The following MIER2 variants were observed in gnomAD, a reference collection of about 807,000 sequenced individuals.
MIER2 encodes MIER family member 2.
Under a neutral mutation model 67.6 loss-of-function variants are expected in MIER2, and 30 were observed. The ratio of observed to expected loss-of-function variants is 0.44; its 90% CI spans 0.33 to 0.60. The LOEUF (loss-of-function observed/expected upper bound fraction) is 0.60. Ranked by LOEUF, MIER2 falls within the 20% of genes least tolerant of loss-of-function variation. The pLI is 0.02. For missense variants in MIER2, 702 were observed against 745.1 expected (o/e 0.94, Z 0.67); for synonymous variants, 372 against 312.6 (o/e 1.19, Z -2.00).
At chr19:336,620 G>A (rs1435880792) in intron 1 of MIER2, among the ~76,000 whole-genome samples, 1 of 152,194 alleles carries the variant, frequency 6.6e-6, no homozygotes, top group African/African-American at 2.4e-5. Flanking sequence ...GAGCCAGGGA[G>A]AGAGACAGTG....
intron 1 of MIER2, chr19:344,425 A>G (rs1972646916): frequency 1.0e-6 from 1 of 974,272 alleles, no homozygotes; most frequent in Non-Finnish European, 1.2e-6. Flanking sequence ...CGGGAACCGG[A>G]GCCGGACCCT....
chr19:319,120 G>C (rs1030729019), intron 7 of MIER2, among the ~76,000 whole-genome samples: 10 of 150,776 alleles, frequency 6.6e-5, no homozygotes, highest in African/African-American at 2.4e-4. Context: ...CCAGCTCTTT[G>C]GGAGGCCAAG....
rs1363099931 is a variant in MIER2 at position 312,170 on chromosome 19, A to C, written c.889+21T>G. 7 of 1,559,044 alleles carry C rather than the reference A, an allele frequency of 4.5e-6. 1 individual carries two copies. The South Asian group carries it at 5.6e-5, about 13-fold the overall frequency. On this transcript the variant is annotated intron_variant, in intron 9 of 13. Coordinates refer to ENST00000264819, the MANE Select transcript of MIER2 (RefSeq NM_017550.3). ...CCCAGGGCGGGGCCGCAGCGGAAGG[A>C]AGGCCCAGACCGCTGCTCACCTCGG...
intron 3 of MIER2, among the ~76,000 whole-genome samples, chr19:331,662 G>A (rs1469877248): frequency 6.6e-6 from 1 of 151,306 alleles, no homozygotes; most frequent in Non-Finnish European, 1.5e-5. Context: ...GTGAGATCCA[G>A]TCTCAAAAAA....
intron 1 of MIER2, chr19:344,061 AT>A (rs1402689177): frequency 1.0e-6 from 1 of 985,304 alleles, no homozygotes. Flanking sequence ...GGTCCCAAAC[AT>A]TTCAGATAAA....
intron 1 of MIER2, chr19:343,736 T>A (rs1243829437): frequency 2.0e-5 from 14 of 688,446 alleles, no homozygotes; most frequent in Non-Finnish European, 5.4e-6. Context: ...CCGCCTGTCG[T>A]AACTTCTGCG....
Position 336,851 on chromosome 19 carries a change from C to CT in MIER2, c.10-679dup, listed in dbSNP as rs1004469603. On this transcript the variant is annotated intron_variant, in intron 1 of 13. Coordinates refer to ENST00000264819, the MANE Select transcript of MIER2 (RefSeq NM_017550.3). ...CATTATCACAATGTTCAATATCTCTCTTTTTTTTTGAGACAGAGCCTTGCT... is the reference window on the plus strand; with the variant it reads ...CATTATCACAATGTTCAATATCTCTCTTTTTTTTTTGAGACAGAGCCTTGCT... Among the ~76,000 whole-genome samples the CT allele has an allele frequency of 3.0e-3, 459 of 151,408 alleles. 2 individuals are homozygous for CT. Among genetic ancestry groups the CT allele is most frequent in the African/African-American group, 7.7e-3 (319 of 41,328 alleles).
At chr19:339,355 C>A (rs916304514) in intron 1 of MIER2, among the ~76,000 whole-genome samples, 4 of 152,158 alleles carry the variant, frequency 2.6e-5, no homozygotes, top group Non-Finnish European at 5.9e-5. Context: ...GGAAAAGATA[C>A]TCAATGTAAT....
chr19:325,329 T>C (rs553349402), intron 7 of MIER2, among the ~76,000 whole-genome samples: 12 of 152,244 alleles, frequency 7.9e-5, no homozygotes, highest in African/African-American at 2.4e-4. Context: ...CGGCCCAGGC[T>C]GTGGGGAGGC....
At chr19:336,870 C>A (rs909452087) in intron 1 of MIER2, among the ~76,000 whole-genome samples, 2 of 151,742 alleles carry the variant, frequency 1.3e-5, no homozygotes, top group Admixed American at 1.3e-4. Context: ...TGAGACAGAG[C>A]CTTGCTCTGT....
At chr19:341,004 G>A (rs1972476229) in intron 1 of MIER2, among the ~76,000 whole-genome samples, 1 of 152,194 alleles carries the variant, frequency 6.6e-6, no homozygotes, top group Non-Finnish European at 1.5e-5. Context: ...TGGCAGAGAT[G>A]GCCTCACCTC....
Position 308,437 on chromosome 19 carries a change from C to G in MIER2, c.1198+140G>C. 1 of 852,688 alleles carries G rather than the reference C, an allele frequency of 1.2e-6. No individual in the cohort carries two copies. The highest frequency in any genetic ancestry group is 1.7e-5 in the South Asian group (1 of 58,814). The allele number at this position is 852,688 out of a possible 1,614,324, so 52.8% of individuals were successfully genotyped here. ...AGCGGCATCCACATCACGTGGCTGC[C>G]CTCCGCCACCCAGACGCCCACTCCT... On this transcript the variant is annotated intron_variant, in intron 12 of 13. Coordinates refer to ENST00000264819, the MANE Select transcript of MIER2 (RefSeq NM_017550.3). The surrounding 1 kb of genome is among the most constrained non-coding windows in gnomAD (Gnocchi z 9.1).
intron 3 of MIER2, among the ~76,000 whole-genome samples, chr19:332,082 A>G (rs949331836): frequency 2.6e-5 from 4 of 152,086 alleles, no homozygotes; most frequent in Non-Finnish European, 5.9e-5. Context: ...TTCTTTTGGG[A>G]CAGTTCTTTT....
At chr19:338,548 T>G (rs547863941) in intron 1 of MIER2, among the ~76,000 whole-genome samples, 1 of 151,336 alleles carries the variant, frequency 6.6e-6, no homozygotes, top group African/African-American at 2.5e-5. Flanking sequence ...AGAACCCCAG[T>G]TGGCTTCTTT....
chr19:334,446 C>A lies in MIER2; in HGVS notation c.197G>T (p.Cys66Phe), dbSNP rs202047659. The A allele has an allele frequency of 3.3e-5, 54 of 1,614,208 alleles. No individual in the cohort carries two copies. In the East Asian group the frequency reaches 8.0e-4, roughly 24 times the overall value. ...CAGCTCCTCCTTGGGCTTGTCTGGG[C>A]ACCTCGAGGCCTCCTCGCACTCCCC... ...VRGECEEASR[C>F]PDKPKEELEK... is the part of the protein sequence containing the mutation. Residue 66 changes from cysteine to phenylalanine, a missense_variant, in exon 3 of 14, where the codon TGC (cysteine) becomes TTC (phenylalanine). By Grantham distance (205) the Cys-to-Phe change is radical (BLOSUM62 -2). Around this residue, in one of 3 missense-constraint regions of MIER2, gnomAD observed 320 missense variants for 292.6 expected, o/e 1.09. Transcript: ENST00000264819.
intron 7 of MIER2, among the ~76,000 whole-genome samples, chr19:319,735 G>A (rs144848330): frequency 1.4e-4 from 21 of 152,262 alleles, no homozygotes; most frequent in African/African-American, 4.8e-4. Context: ...GGGATTAAAG[G>A]CATGAGCCCC....
intron 7 of MIER2, among the ~76,000 whole-genome samples, chr19:323,502 C>G (rs573430811): frequency 6.7e-6 from 1 of 150,248 alleles, no homozygotes; most frequent in South Asian, 2.1e-4. Context: ...CAGGATACAA[C>G]CACACAGACG....
At chr19:318,676 T>A (rs1971363872) in intron 7 of MIER2, among the ~76,000 whole-genome samples, 1 of 152,070 alleles carries the variant, frequency 6.6e-6, no homozygotes, top group African/African-American at 2.4e-5. Flanking sequence ...ACAGATCAAA[T>A]AATGGACATA....
chr19:307,130 C>G lies in MIER2; in HGVS notation c.1605G>C (p.Glu535Asp), dbSNP rs753999896. ...PTCPAPGLHSEPLSHCNVMTC is the reference protein window; with the variant it reads ...PTCPAPGLHSDPLSHCNVMTC ...GGGGTGGCACTCACTGTGACAGGGG[C>G]TCCGAGTGTAGCCCGGGGGCCGGGC... The change falls in exon 13 of 14, where the codon GAG (glutamate) becomes GAC (aspartate). Residue 535 changes from glutamate to aspartate, a missense_variant. Transcript: ENST00000264819. 1.5e-5 allele frequency: 24 copies of G among 1,582,818 alleles called. No homozygotes were observed. The South Asian group carries it at 2.8e-4, about 18-fold the overall frequency.
Sources: gnomAD v4.1 joint callset for allele counts (sites outside exome capture counted in the v4.1 genomes callset) on GRCh38, gnomAD v4.1.1 for gene constraint, gnomAD v4.1.1 regional missense constraint, Gnocchi (gnomAD v3.1) non-coding constraint, MANE v1.5 for transcripts, NCBI Gene and HGNC (gene_info 2026-07-23, HGNC 2026-07-21) for gene names.